Variants in DGKB observed in about 807,000 individuals in gnomAD.
DGKB encodes diacylglycerol kinase beta.
A neutral mutation model predicts 114.3 loss-of-function variants in DGKB; 67 were observed. That is an observed-to-expected ratio of 0.59 (90% CI 0.48 to 0.72). DGKB has a LOEUF of 0.72. DGKB is among the 30% of genes least tolerant of loss of function. The pLI is 0.00. For missense variants in DGKB, 907 were observed against 975.2 expected, an observed-to-expected ratio of 0.93 and a Z score of 0.93; for synonymous variants, 398 against 323.1, an observed-to-expected ratio of 1.23 and a Z score of -2.49.
chr7:14,668,618 C>G (rs76260481), intron 13 of DGKB, among the ~76,000 whole-genome samples: 5,999 of 151,554 alleles, frequency 0.04, 327 homozygotes, highest in African/African-American at 0.1. Flanking sequence ...ATAACCATAC[C>G]CCTTCATAAT....
At chr7:14,526,827 A>T (rs1234585742) in intron 20 of DGKB, among the ~76,000 whole-genome samples, 1 of 152,110 alleles carries the variant, frequency 6.6e-6, no homozygotes, top group Non-Finnish European at 1.5e-5. Context: ...ACACACAGAC[A>T]CACACACATT....
At position 14,662,808 on chromosome 7, in the gene DGKB, T is replaced by C. The variant is rs1006965416; in HGVS notation, c.1134+10121A>G. 3.9e-5 allele frequency among the ~76,000 whole-genome samples: 6 copies of C among 152,090 alleles called. 1 individual carries two copies. The East Asian group carries it at 9.7e-4, about 24-fold the overall frequency. On this transcript the variant is annotated intron_variant, in intron 13 of 25. Coordinates refer to ENST00000402815, the MANE Select transcript of DGKB (RefSeq NM_001350709.2). ...AATAGTGTTTCTATTTATATATTAA[T>C]TGTAATTCTTCTTATATAACTGTAT...
intron 25 of DGKB, among the ~76,000 whole-genome samples, chr7:14,171,694 A>G (rs768077737): frequency 3.3e-5 from 5 of 152,230 alleles, no homozygotes; most frequent in East Asian, 1.9e-4. Context: ...ACATGTATTT[A>G]TATATAAAAA....
intron 21 of DGKB, among the ~76,000 whole-genome samples, chr7:14,357,749 C>T (rs532108924): frequency 7.2e-5 from 11 of 152,122 alleles, no homozygotes; most frequent in East Asian, 3.9e-4. Context: ...TGTTCCTTTC[C>T]GTGTTTAGTG....
chr7:14,537,289 G>T (rs968778609), intron 20 of DGKB, among the ~76,000 whole-genome samples: 2 of 151,936 alleles, frequency 1.3e-5, no homozygotes, highest in Non-Finnish European at 2.9e-5. Context: ...AAATATCAAA[G>T]ATATTTTTAT....
At chr7:14,570,288 C>G (rs1211469071) in intron 20 of DGKB, among the ~76,000 whole-genome samples, 2 of 151,844 alleles carry the variant, frequency 1.3e-5, no homozygotes, top group African/African-American at 4.8e-5. Flanking sequence ...GTTGTTGTTA[C>G]TCTCTGCCAT....
At chr7:14,959,852 A>G (rs1311645873) in intron 1 of DGKB, among the ~76,000 whole-genome samples, 2 of 152,020 alleles carry the variant, frequency 1.3e-5, no homozygotes, top group African/African-American at 4.8e-5. Flanking sequence ...TCATATGAAA[A>G]TGTCTATATA....
chr7:14,412,016 T>C (rs1172848000), intron 21 of DGKB, among the ~76,000 whole-genome samples: 4 of 152,200 alleles, frequency 2.6e-5, no homozygotes, highest in African/African-American at 9.6e-5. Context: ...TGTTTTATTA[T>C]CACAATTTTG....
intron 20 of DGKB, among the ~76,000 whole-genome samples, chr7:14,531,944 C>G (rs565203411): frequency 6.6e-6 from 1 of 150,874 alleles, no homozygotes; most frequent in African/African-American, 2.4e-5. Flanking sequence ...TTTTATCATG[C>G]TAGTGAGATA....
At chr7:14,174,412 G>A (rs1198630753) in intron 25 of DGKB, among the ~76,000 whole-genome samples, 1 of 151,746 alleles carries the variant, frequency 6.6e-6, no homozygotes, top group Admixed American at 6.6e-5. Context: ...GACATTCTAA[G>A]AACTTTTTTT....
intron 1 of DGKB, among the ~76,000 whole-genome samples, chr7:14,967,596 C>T (rs1244144153): frequency 1.4e-5 from 2 of 140,188 alleles, no homozygotes; most frequent in Non-Finnish European, 3.0e-5. Context: ...GCTGGGATTA[C>T]AGGTGCGAGC....
Position 14,923,983 on chromosome 7 carries a change from C to CAAAAAAAAAAAAAAAAAAAAAAAAAAAAA in DGKB, c.-188+50712_-188+50713insTTTTTTTTTTTTTTTTTTTTTTTTTTTTT, listed in dbSNP as rs56032330. 2.4e-4 allele frequency among the ~76,000 whole-genome samples: 18 copies of CAAAAAAAAAAAAAAAAAAAAAAAAAAAAA among 76,164 alleles called. 3 individuals are homozygous for CAAAAAAAAAAAAAAAAAAAAAAAAAAAAA. The highest frequency in any genetic ancestry group is 1.3e-3 in the African/African-American group (18 of 13,700). 50.0% of individuals were successfully genotyped at this position (76,164 alleles called of 152,430 possible). On this transcript the variant is annotated intron_variant, in intron 1 of 4. Transcript: ENST00000437998. ...TGGGCAACACAGTGAAGCTCCATCT[C>CAAAAAAAAAAAAAAAAAAAAAAAAAAAAA]AAAAAAAAAAAAAAAAAAAAAGCTT...
In DGKB at chr7:14,685,373, C is replaced by A; in HGVS notation, c.712-11G>T. 6.3e-7 allele frequency: 1 copy of A among 1,591,090 alleles called. No homozygotes were observed. The stretch of plus-strand genomic sequence containing the variant: ...ATCATCCTTCACGTTCTGCATGGGA[C>A]GTAAGAGAAACAGATTTCACTTAAT... On this transcript the variant is annotated splice_polypyrimidine_tract_variant and intron_variant, in intron 9 of 25. Coordinates refer to ENST00000402815, the MANE Select transcript of DGKB (RefSeq NM_001350709.2).
chr7:14,717,460 T>G (rs1828391986), intron 6 of DGKB, among the ~76,000 whole-genome samples: 2 of 152,110 alleles, frequency 1.3e-5, no homozygotes, highest in South Asian at 4.1e-4. Context: ...AAATAAATCT[T>G]GAAATGCAAA....
chr7:14,639,807 C>A (rs979912787), intron 13 of DGKB, among the ~76,000 whole-genome samples: 1 of 152,122 alleles, frequency 6.6e-6, no homozygotes, highest in African/African-American at 2.4e-5. Context: ...ATAAATCACA[C>A]AAAGCCAAAT....
chr7:14,452,361 A>G (rs575331956), intron 21 of DGKB, among the ~76,000 whole-genome samples: 1 of 152,176 alleles, frequency 6.6e-6, no homozygotes, highest in East Asian at 1.9e-4. Flanking sequence ...TAAATTCCAA[A>G]TTATTTGAAA....
intron 23 of DGKB, among the ~76,000 whole-genome samples, chr7:14,205,542 A>G (rs1358703015): frequency 6.6e-6 from 1 of 151,988 alleles, no homozygotes; most frequent in African/African-American, 2.4e-5. Context: ...ACATTTGTTA[A>G]AGGTTTTAAA....
At chr7:14,537,539 G>C (rs1350867752) in intron 20 of DGKB, among the ~76,000 whole-genome samples, 2 of 152,228 alleles carry the variant, frequency 1.3e-5, no homozygotes, top group East Asian at 3.9e-4. Context: ...ACAGAGTAAA[G>C]AGAGTATCTT....
At chr7:14,928,867 A>G (rs114827666) in intron 1 of DGKB, among the ~76,000 whole-genome samples, 3,399 of 151,936 alleles carry the variant, frequency 0.022, 120 homozygotes, top group African/African-American at 0.077. Context: ...CTATTATTCC[A>G]CACTTGACAT....
Sources: allele counts gnomAD v4.1 joint callset (sites outside exome capture counted in the v4.1 genomes callset), GRCh38; gene constraint gnomAD v4.1.1; transcripts MANE v1.5; gene names NCBI Gene and HGNC (gene_info 2026-07-23, HGNC 2026-07-21).